The following FANCL variants were observed in gnomAD, a reference collection of about 807,000 sequenced individuals.
FANCL encodes the protein FA complementation group L.
In FANCL, 69 loss-of-function variants were observed where a neutral mutation model predicts 59.4. The ratio of observed to expected loss-of-function variants is 1.16; its 90% CI spans 0.96 to 1.42. The LOEUF (loss-of-function observed/expected upper bound fraction) is 1.42. Ranked by LOEUF, FANCL falls within the 40% of genes most tolerant of loss-of-function variation. The pLI is 0.00. For missense variants in FANCL, 519 were observed against 447.2 expected, an observed-to-expected ratio of 1.16 and a Z score of -1.45; for synonymous variants, 180 against 147.1, an observed-to-expected ratio of 1.22 and a Z score of -1.62.
At chr2:58,233,548 C>T (rs543266747) in intron 1 of FANCL, among the ~76,000 whole-genome samples, 1 of 151,990 alleles carries the variant, frequency 6.6e-6, no homozygotes, top group African/African-American at 2.4e-5. Context: ...ATAAATAAAA[C>T]CACAAAAATC....
rs138195826 is a variant in FANCL at position 58,205,925 on chromosome 2, G to C, written c.375-1699C>G. On this transcript the variant is annotated intron_variant, in intron 5 of 13. Transcript: ENST00000233741. ...TAATTACTCTGCCACTAACTTTTCA[G>C]TTAAAAATATTTATGTAGTCGTAAA... Among the ~76,000 whole-genome samples the C allele has an allele frequency of 6.0e-3, 909 of 152,150 alleles. 9 individuals carry two copies. Among genetic ancestry groups the C allele is most frequent in the African/African-American group, 0.02 (845 of 41,534 alleles).
rs775202487 is a variant in FANCL at position 58,222,045 on chromosome 2, G to A, written c.274-3C>T. 8.7e-6 allele frequency: 14 copies of A among 1,608,214 alleles called. No individual in the cohort carries two copies. The highest frequency in any genetic ancestry group is 1.1e-5 in the Non-Finnish European group (13 of 1,174,984). ...TGTCTATTCTTTAAGGCAACTTCCT[G>A]TTTAAAAGAAGAAAACCTGAATTAG... On this transcript the variant is annotated splice_polypyrimidine_tract_variant and splice_region_variant and intron_variant, in intron 4 of 13. Coordinates refer to ENST00000233741, the MANE Select transcript of FANCL (RefSeq NM_018062.4).
At chr2:58,204,971 G>A (rs1690443261) in intron 5 of FANCL, among the ~76,000 whole-genome samples, 1 of 152,014 alleles carries the variant, frequency 6.6e-6, no homozygotes, top group South Asian at 2.1e-4. Flanking sequence ...AGTAGCATAA[G>A]CTACTGCCAA....
intron 7 of FANCL, among the ~76,000 whole-genome samples, chr2:58,188,756 C>A (rs1664604500): frequency 2.1e-5 from 3 of 145,494 alleles, no homozygotes; most frequent in African/African-American, 7.7e-5. Flanking sequence ...TTGTCAATTT[C>A]TTAAATTAGG....
At chr2:58,234,546 G>C (rs1285272082) in intron 1 of FANCL, among the ~76,000 whole-genome samples, 3 of 151,408 alleles carry the variant, frequency 2.0e-5, no homozygotes, top group Non-Finnish European at 4.4e-5. Context: ...TATAATTGGA[G>C]ATCTTGGAAA....
chr2:58,189,020 TTATA>T (rs1231263661), intron 7 of FANCL, among the ~76,000 whole-genome samples: 3 of 152,136 alleles, frequency 2.0e-5, no homozygotes, highest in Admixed American at 6.6e-5. Flanking sequence ...GTACCCAGAA[TTATA>T]TAAGATTCTG....
chr2:58,219,213 G>T (rs1449600592), intron 5 of FANCL, among the ~76,000 whole-genome samples: 1 of 93,360 alleles, frequency 1.1e-5, no homozygotes, highest in African/African-American at 4.1e-5. Context: ...TATCCACAAT[G>T]ATGAGGCCTG....
At chr2:58,182,338 G>C (rs578090979) in intron 7 of FANCL, among the ~76,000 whole-genome samples, 1 of 151,710 alleles carries the variant, frequency 6.6e-6, no homozygotes, top group South Asian at 2.1e-4. Context: ...CTAATGTGCA[G>C]ATAAGGTTAA....
intron 7 of FANCL, among the ~76,000 whole-genome samples, chr2:58,196,945 A>G (rs558363042): frequency 3.9e-4 from 60 of 151,968 alleles, no homozygotes; most frequent in African/African-American, 1.3e-3. Context: ...TGTGTATTTT[A>G]AAAAAAGGGA....
intron 7 of FANCL, among the ~76,000 whole-genome samples, chr2:58,184,685 A>C (rs1688237571): frequency 6.6e-6 from 1 of 152,110 alleles, no homozygotes; most frequent in South Asian, 2.1e-4. Flanking sequence ...TGCATGCCCC[A>C]AAAGCAATAA....
chr2:58,234,907 G>A (rs959586768), intron 1 of FANCL, among the ~76,000 whole-genome samples: 9 of 151,944 alleles, frequency 5.9e-5, no homozygotes, highest in Non-Finnish European at 1.3e-4. Context: ...TTAAAAATTG[G>A]ACAAAACATA....
rs1482973840 is a variant in FANCL at position 58,204,222 on chromosome 2, CA to C, written c.378del (p.Val127CysfsTer12). On this transcript the variant is annotated frameshift_variant, in exon 6 of 14. Coordinates refer to ENST00000233741, the MANE Select transcript of FANCL (RefSeq NM_018062.4). LOFTEE classifies it high-confidence loss of function. ...EEIGTLGWDK[L>X]VYADTCFSTI... is the part of the protein sequence containing the mutation. ...GTACTGAAGCAGGTATCCGCATACA[CA>C]AGTCTGGTGAGCAGAGGAGAATAAA... 9.3e-6 allele frequency: 15 copies of C among 1,612,382 alleles called. No individual in the cohort carries two copies. The highest frequency in any genetic ancestry group is 1.3e-5 in the Non-Finnish European group (15 of 1,178,598).
At chr2:58,170,530 A>G (rs1443541814) in intron 7 of FANCL, among the ~76,000 whole-genome samples, 1 of 151,814 alleles carries the variant, frequency 6.6e-6, no homozygotes, top group Non-Finnish European at 1.5e-5. Flanking sequence ...TTACACATAA[A>G]TGTAAACGAG....
At chr2:58,237,597 A>G (rs1694139078) in intron 1 of FANCL, among the ~76,000 whole-genome samples, 1 of 151,784 alleles carries the variant, frequency 6.6e-6, no homozygotes. Context: ...AAAATAATAG[A>G]AAAAAATTGA....
intron 5 of FANCL, among the ~76,000 whole-genome samples, chr2:58,217,203 T>A (rs1481374306): frequency 4.6e-4 from 4 of 8,730 alleles, no homozygotes; most frequent in Non-Finnish European, 9.8e-4. Context: ...TATATATATA[T>A]ATATATATAT....
At chr2:58,228,579 T>A (rs956487866) in intron 3 of FANCL, among the ~76,000 whole-genome samples, 1 of 152,238 alleles carries the variant, frequency 6.6e-6, no homozygotes, top group Non-Finnish European at 1.5e-5. Flanking sequence ...AACGGCAGAA[T>A]TGAGTAGCTG....
At chr2:58,219,505 A>T (rs1320410440) in intron 5 of FANCL, among the ~76,000 whole-genome samples, 1 of 151,892 alleles carries the variant, frequency 6.6e-6, no homozygotes, top group Non-Finnish European at 1.5e-5. Flanking sequence ...TCCAAAGAGT[A>T]AAGTGTGGAG....
At chr2:58,193,515 T>C (rs1433689057) in intron 7 of FANCL, among the ~76,000 whole-genome samples, 2 of 152,160 alleles carry the variant, frequency 1.3e-5, no homozygotes, top group Non-Finnish European at 2.9e-5. Flanking sequence ...ATACTTTTTC[T>C]ACCATATCAC....
At chr2:58,172,322 C>G (rs551881718) in intron 7 of FANCL, among the ~76,000 whole-genome samples, 1 of 152,328 alleles carries the variant, frequency 6.6e-6, no homozygotes, top group Admixed American at 6.5e-5. Context: ...GACCCCTGAC[C>G]CCTGAGCAGC....
Sources: gnomAD v4.1 joint callset for allele counts (sites outside exome capture counted in the v4.1 genomes callset) on GRCh38, gnomAD v4.1.1 for gene constraint, MANE v1.5 for transcripts, NCBI Gene and HGNC (gene_info 2026-07-23, HGNC 2026-07-21) for gene names.